XRCC4: variants seen among roughly 807,000 people sequenced by gnomAD.
XRCC4 encodes X-ray repair cross complementing 4, also known as DNA repair protein XRCC4.
Under a neutral mutation model 39.1 loss-of-function variants are expected in XRCC4, and 28 were observed. The ratio of observed to expected loss-of-function variants is 0.72; its 90% CI spans 0.53 to 0.98. The LOEUF (loss-of-function observed/expected upper bound fraction) is 0.98, where lower values mean the gene tolerates loss of function less well. Ranked by LOEUF, XRCC4 falls within the 50% of genes least tolerant of loss-of-function variation. The pLI is 0.00. For missense variants in XRCC4, 350 were observed against 376.4 expected, an observed-to-expected ratio of 0.93 and a Z score of 0.58; for synonymous variants, 123 against 126.4, an observed-to-expected ratio of 0.97 and a Z score of 0.18.
chr5:83,360,050 C>T, the XRCC4 span, among the ~76,000 whole-genome samples: 1 of 152,214 alleles, frequency 6.6e-6, no homozygotes, highest in South Asian at 2.1e-4. Flanking sequence ...ATACGAAGAA[C>T]TTCACAAAGA....
intron 7 of XRCC4, among the ~76,000 whole-genome samples, chr5:83,352,738 G>T (rs550736287): frequency 6.6e-6 from 1 of 152,304 alleles, no homozygotes; most frequent in Non-Finnish European, 1.5e-5. Context: ...AGATTAAAAT[G>T]CATGTTAATC....
intron 3 of XRCC4, among the ~76,000 whole-genome samples, chr5:83,122,374 G>A (rs1747051460): frequency 6.6e-6 from 1 of 152,068 alleles, no homozygotes; most frequent in Non-Finnish European, 1.5e-5. Flanking sequence ...GGCAATATCT[G>A]AAGACATTTT....
chr5:83,159,372 C>T (rs964178248), intron 3 of XRCC4, among the ~76,000 whole-genome samples: 8 of 151,124 alleles, frequency 5.3e-5, no homozygotes, highest in Admixed American at 2.7e-4. Flanking sequence ...AATGTTTGAC[C>T]CAGAGTGCTA....
downstream of XRCC4, among the ~76,000 whole-genome samples, chr5:83,358,221 A>T (rs1289438263): frequency 6.6e-6 from 1 of 152,160 alleles, no homozygotes; most frequent in Non-Finnish European, 1.5e-5. Context: ...AATGCATTAG[A>T]GCAAGCATTT....
chr5:83,219,512 A>C (rs1179141812), intron 6 of XRCC4, among the ~76,000 whole-genome samples: 1 of 152,188 alleles, frequency 6.6e-6, no homozygotes, highest in Non-Finnish European at 1.5e-5. Flanking sequence ...TGAAGTCTAC[A>C]ATAGACGAGA....
At chr5:83,098,293 T>C (rs1385911088) in intron 1 of XRCC4, among the ~76,000 whole-genome samples, 1 of 152,092 alleles carries the variant, frequency 6.6e-6, no homozygotes, top group African/African-American at 2.4e-5. Context: ...ACATCAGCTG[T>C]ATATTACAAG....
chr5:83,128,108 T>G (rs1747366257), intron 3 of XRCC4, among the ~76,000 whole-genome samples: 1 of 152,144 alleles, frequency 6.6e-6, no homozygotes, highest in Non-Finnish European at 1.5e-5. Flanking sequence ...TATCTCCTAA[T>G]GCTATCCGTC....
chr5:83,135,084 C>T (rs558102730), intron 3 of XRCC4, among the ~76,000 whole-genome samples: 2 of 152,224 alleles, frequency 1.3e-5, no homozygotes, highest in Non-Finnish European at 2.9e-5. Flanking sequence ...CAAGAACCCA[C>T]TCTAAGTAAT....
chr5:83,215,713 A>G (rs1751831929), intron 6 of XRCC4, among the ~76,000 whole-genome samples: 1 of 152,208 alleles, frequency 6.6e-6, no homozygotes, highest in African/African-American at 2.4e-5. Flanking sequence ...TGCGAAGACA[A>G]TTTAGTGGGG....
chr5:83,171,149 C>T (rs1489122199), intron 3 of XRCC4, among the ~76,000 whole-genome samples: 2 of 152,078 alleles, frequency 1.3e-5, no homozygotes, highest in South Asian at 4.1e-4. Context: ...GCTTCCACTT[C>T]TCAACTTACA....
chr5:83,185,407 CA>C (rs1478855789), intron 3 of XRCC4, among the ~76,000 whole-genome samples: 3 of 132,990 alleles, frequency 2.3e-5, no homozygotes, highest in Non-Finnish European at 3.2e-5. Flanking sequence ...GATTGATATA[CA>C]AAAAAAGTAT....
chr5:83,303,182 C>A, intron 7 of XRCC4, among the ~76,000 whole-genome samples: 1 of 134,898 alleles, frequency 7.4e-6, no homozygotes, highest in African/African-American at 2.8e-5. Flanking sequence ...CACTGCACTC[C>A]AGCCTAGGAG....
At chr5:83,230,901 C>T (rs920280178) in intron 6 of XRCC4, among the ~76,000 whole-genome samples, 8 of 151,914 alleles carry the variant, frequency 5.3e-5, no homozygotes, top group African/African-American at 1.9e-4. Flanking sequence ...GGAAAAATTA[C>T]CCTCTTATAA....
At chr5:83,215,025 T>C (rs1046903680) in intron 6 of XRCC4, among the ~76,000 whole-genome samples, 1 of 151,998 alleles carries the variant, frequency 6.6e-6, no homozygotes, top group African/African-American at 2.4e-5. Flanking sequence ...AAACATCTTA[T>C]ATTTATAGAT....
intron 7 of XRCC4, among the ~76,000 whole-genome samples, chr5:83,281,432 A>G (rs1754533265): frequency 6.6e-6 from 1 of 152,176 alleles, no homozygotes. Flanking sequence ...CTAAGATTGT[A>G]AAGTGAGACA....
chr5:83,214,724 T>A (rs1751785749), intron 6 of XRCC4, among the ~76,000 whole-genome samples: 3 of 151,204 alleles, frequency 2.0e-5, no homozygotes, highest in South Asian at 4.2e-4. Context: ...TAGTCCCAGC[T>A]ACTCGGGAGG....
chr5:83,276,761 G>A (rs1225625197), intron 7 of XRCC4, among the ~76,000 whole-genome samples: 1 of 150,754 alleles, frequency 6.6e-6, no homozygotes, highest in African/African-American at 2.5e-5. Flanking sequence ...ACAGAATCTT[G>A]TTATAATTTG....
At chr5:83,103,217 G>T (rs1263701650) in intron 1 of XRCC4, among the ~76,000 whole-genome samples, 1 of 151,670 alleles carries the variant, frequency 6.6e-6, no homozygotes, top group Non-Finnish European at 1.5e-5. Flanking sequence ...GCAAGATTAG[G>T]TTTTTAGAAT....
intron 6 of XRCC4, among the ~76,000 whole-genome samples, chr5:83,253,083 AAATGAG>A (rs1461405132): frequency 6.6e-6 from 1 of 152,216 alleles, no homozygotes; most frequent in Non-Finnish European, 1.5e-5. Context: ...AGGATGACTG[AAATGAG>A]TTGAGCTGTG....
Sources: gnomAD v4.1 joint callset for allele counts (sites outside exome capture counted in the v4.1 genomes callset) on GRCh38, gnomAD v4.1.1 for gene constraint, MANE v1.5 for transcripts, NCBI Gene and HGNC (gene_info 2026-07-23, HGNC 2026-07-21) for gene names.